Variants in PRELID2 observed in about 807,000 individuals in gnomAD.
The protein encoded by PRELID2 is PRELI domain containing 2, also known as PRELI domain-containing protein 2.
Under a neutral mutation model 28.4 loss-of-function variants are expected in PRELID2, and 25 were observed. That is an observed-to-expected ratio of 0.88 (90% confidence interval 0.64 to 1.23). The LOEUF (loss-of-function observed/expected upper bound fraction) is 1.23. Ranked by LOEUF, PRELID2 falls within the 50% of genes most tolerant of loss-of-function variation. The pLI, the probability that PRELID2 is intolerant of heterozygous loss-of-function variation, is 0.00. For missense variants in PRELID2, 201 were observed against 214.4 expected, an observed-to-expected ratio of 0.94 and a Z score of 0.39; for synonymous variants, 76 against 71.6, an observed-to-expected ratio of 1.06 and a Z score of -0.31.
chr5:145,437,418 C>A, the PRELID2 span, among the ~76,000 whole-genome samples: 1 of 152,198 alleles, frequency 6.6e-6, no homozygotes, highest in Non-Finnish European at 1.5e-5. Flanking sequence ...AAGAATTTAC[C>A]TAATTCCCAA....
intron 4 of PRELID2, among the ~76,000 whole-genome samples, chr5:145,812,191 T>C (rs1362723514): frequency 1.3e-5 from 2 of 152,162 alleles, no homozygotes; most frequent in African/African-American, 4.8e-5. Flanking sequence ...TACATAGCTC[T>C]TTCTCTCATT....
At chr5:145,663,533 C>G (rs1754533041) in intron 1 of PRELID2, among the ~76,000 whole-genome samples, 1 of 152,134 alleles carries the variant, frequency 6.6e-6, no homozygotes. Context: ...AACATTCATG[C>G]AGAATTTAAA....
At chr5:145,618,263 G>C (rs557393054) in intron 1 of PRELID2, among the ~76,000 whole-genome samples, 1 of 152,108 alleles carries the variant, frequency 6.6e-6, no homozygotes, top group Non-Finnish European at 1.5e-5. Context: ...GCTTTGTTTT[G>C]TCATGTTACC....
intron 1 of PRELID2, among the ~76,000 whole-genome samples, chr5:145,589,893 T>C (rs114671774): frequency 1.3e-5 from 2 of 152,344 alleles, no homozygotes; most frequent in Non-Finnish European, 2.9e-5. Context: ...GAATATTATG[T>C]TTTTGCACAA....
intron 1 of PRELID2, among the ~76,000 whole-genome samples, chr5:145,596,199 C>T (rs1033025254): frequency 3.3e-5 from 5 of 150,196 alleles, no homozygotes; most frequent in Non-Finnish European, 5.9e-5. Flanking sequence ...GGAGGGAGAA[C>T]TTATGTTAAT....
intron 1 of PRELID2, among the ~76,000 whole-genome samples, chr5:145,554,952 T>C (rs979456392): frequency 1.3e-5 from 2 of 152,360 alleles, no homozygotes; most frequent in Non-Finnish European, 2.9e-5. Flanking sequence ...GTATATATAT[T>C]AATACCTTCT....
intron 2 of PRELID2, among the ~76,000 whole-genome samples, chr5:145,821,055 G>A (rs1249256352): frequency 6.6e-6 from 1 of 152,036 alleles, no homozygotes; most frequent in Admixed American, 6.6e-5. Flanking sequence ...TCTATTAGAA[G>A]CGTGCCTTTG....
chr5:145,523,153 G>A (rs554641383), intron 1 of PRELID2, among the ~76,000 whole-genome samples: 71 of 152,256 alleles, frequency 4.7e-4, no homozygotes, highest in African/African-American at 1.6e-3. Context: ...CGTGCCCTGG[G>A]ATACGATTTA....
In PRELID2 at chr5:145,765,044, A is replaced by G. The variant is rs1462247217; in HGVS notation, c.475-44T>C. 10 of 1,331,630 alleles carry G rather than the reference A, an allele frequency of 7.5e-6. No individual in the cohort carries two copies. In the African/African-American group the frequency reaches 1.5e-4, roughly 20 times the overall value. The allele number at this position is 1,331,630 out of a possible 1,614,324, so 82.5% of individuals were successfully genotyped here. On this transcript the variant is annotated intron_variant, in intron 5 of 6. Coordinates refer to ENST00000683046, the MANE Select transcript of PRELID2 (RefSeq NM_205846.3). ...AAAATTAAAATGCCCTATTTCACAG[A>G]CAAGTACTTTTACATTTATCACAAC...
intron 1 of PRELID2, among the ~76,000 whole-genome samples, chr5:145,674,103 T>C (rs1754765139): frequency 6.6e-6 from 1 of 152,204 alleles, no homozygotes; most frequent in Non-Finnish European, 1.5e-5. Flanking sequence ...GGGGGGATCC[T>C]AGCCCTGCTT....
the PRELID2 span, among the ~76,000 whole-genome samples, chr5:145,345,415 T>A: frequency 6.6e-6 from 1 of 151,908 alleles, no homozygotes. Flanking sequence ...ATAATTGGAA[T>A]CAAACCGTTG....
the PRELID2 span, among the ~76,000 whole-genome samples, chr5:145,252,827 C>A: frequency 6.6e-6 from 1 of 152,136 alleles, no homozygotes; most frequent in Non-Finnish European, 1.5e-5. Flanking sequence ...TGCCACTGAA[C>A]TGTACATCTA....
At chr5:145,353,929 A>T in the PRELID2 span, among the ~76,000 whole-genome samples, 1 of 152,176 alleles carries the variant, frequency 6.6e-6, no homozygotes, top group African/African-American at 2.4e-5. Flanking sequence ...TGTCCTTACC[A>T]TCCTTACCAT....
rs115472382 is a variant in PRELID2 at position 145,531,303 on chromosome 5, A to T, written n.71-57988T>A. ...TTGACTGTTCTGACACAGACTAAAA[A>T]ATCTTGTCCATTTCATTACTTTCTC... On this transcript the variant is annotated intron_variant and non_coding_transcript_variant, in intron 1 of 2. Transcript: ENST00000510259. Among the ~76,000 whole-genome samples the T allele has an allele frequency of 5.9e-5, 9 of 152,110 alleles. No homozygotes were observed. In the East Asian group the frequency reaches 1.7e-3, roughly 29 times the overall value.
chr5:145,506,221 C>T (rs961557174), intron 1 of PRELID2, among the ~76,000 whole-genome samples: 16 of 152,314 alleles, frequency 1.1e-4, no homozygotes, highest in African/African-American at 3.8e-4. Flanking sequence ...CTTTTGCTCA[C>T]TCTGCTTCCA....
chr5:145,340,770 CATATATATATATAT>C, the PRELID2 span, among the ~76,000 whole-genome samples: 7 of 116,536 alleles, frequency 6.0e-5, no homozygotes, highest in Admixed American at 5.6e-4. Context: ...TAAAAATATA[CATATATATATATAT>C]ATATATATAT....
chr5:145,378,365 A>G, the PRELID2 span, among the ~76,000 whole-genome samples: 2 of 152,130 alleles, frequency 1.3e-5, no homozygotes, highest in Non-Finnish European at 2.9e-5. Flanking sequence ...CATGGATGAT[A>G]TCCTGAAATA....
At chr5:145,754,218 G>T (rs951806651), downstream of PRELID2, 1 of 152,180 alleles carries the variant, frequency 6.6e-6, no homozygotes, top group Admixed American at 6.5e-5. Context: ...TGTATATAAG[G>T]CTGGGCTAGA....
chr5:145,363,097 C>A, the PRELID2 span, among the ~76,000 whole-genome samples: 1 of 146,564 alleles, frequency 6.8e-6, no homozygotes. Flanking sequence ...TTGATTCTAG[C>A]CACATATCAT....
Sources: allele counts gnomAD v4.1 joint callset (sites outside exome capture counted in the v4.1 genomes callset), GRCh38; gene constraint gnomAD v4.1.1; transcripts MANE v1.5; gene names NCBI Gene and HGNC (gene_info 2026-07-23, HGNC 2026-07-21).